The following FAM131B variants were observed in gnomAD, a reference collection of about 807,000 sequenced individuals.
FAM131B encodes the protein family with sequence similarity 131 member B, also known as protein FAM131B.
FAM131B carries 19 observed loss-of-function variants against 42.0 expected under a neutral mutation model. The observed-to-expected ratio is 0.45, with a 90% confidence interval of 0.32 to 0.66. FAM131B has a LOEUF of 0.66. Ranked by LOEUF, FAM131B falls within the 30% of genes least tolerant of loss-of-function variation. The pLI is 0.05. For synonymous variants in FAM131B, 183 were observed against 177.6 expected (o/e 1.03, Z -0.24); for missense variants, 370 against 468.4 (o/e 0.79, Z 1.94).
chr7:143,375,436 C>T, the FAM131B span, among the ~76,000 whole-genome samples: 1 of 152,112 alleles, frequency 6.6e-6, no homozygotes, highest in Non-Finnish European at 1.5e-5. Context: ...CTGAATAGGT[C>T]CACCTGTTCC....
At position 143,358,829 on chromosome 7, in the gene FAM131B, G is replaced by C; in HGVS notation, c.464C>G (p.Ala155Gly). The C allele has an allele frequency of 6.2e-7, 1 of 1,613,670 alleles. No homozygotes were observed. The highest frequency in any genetic ancestry group is 8.5e-7 in the Non-Finnish European group (1 of 1,179,790). ...TTGAGGCTTTAGGGTACCTGTACCT[G>C]CTAGAAAACGTGCCTCCTTCTCGCC... is the stretch of plus-strand genomic sequence containing the variant. ...SDGEKEARFL[A>G]GVMEQFAISE... Residue 155 changes from alanine to glycine, a missense_variant and splice_region_variant, in exon 5 of 7, where the codon GCA becomes GGA. Physicochemically the swap from Ala to Gly is moderately conservative, Grantham distance 60. Transcript: ENST00000443739. The surrounding 1 kb of genome is among the most constrained non-coding windows in gnomAD (Gnocchi z 4.7).
chr7:143,381,487 A>G, the FAM131B span: 2 of 1,441,412 alleles, frequency 1.4e-6, no homozygotes, highest in African/African-American at 1.5e-5. Context: ...GGGGGTCACC[A>G]AGGGGAGCTG....
At chr7:143,363,348 T>A (rs781525624), upstream of FAM131B, among the ~76,000 whole-genome samples, 22 of 152,098 alleles carry the variant, frequency 1.4e-4, no homozygotes, top group Non-Finnish European at 2.2e-4. Flanking sequence ...ATAGTTGACC[T>A]CCAGGCCTGG....
intron 5 of FAM131B, among the ~76,000 whole-genome samples, chr7:143,357,798 C>G (rs1292322264): frequency 6.6e-6 from 1 of 152,120 alleles, no homozygotes; most frequent in Non-Finnish European, 1.5e-5. Flanking sequence ...CCACATGAGG[C>G]CAGTGGCTAA....
chr7:143,373,588 G>A, the FAM131B span, among the ~76,000 whole-genome samples: 3 of 152,174 alleles, frequency 2.0e-5, no homozygotes, highest in Non-Finnish European at 4.4e-5. Context: ...GGGCGCTGAG[G>A]CGGTGTGTCC....
intron 1 of FAM131B, 191 bp from the exon 2 acceptor site, chr7:143,360,340 A>C: frequency 7.0e-7 from 1 of 1,425,034 alleles, no homozygotes. Context: ...CTCAACCCAG[A>C]ATAGTGCACT....
upstream of FAM131B, among the ~76,000 whole-genome samples, chr7:143,366,935 G>T (rs1027224072): frequency 6.6e-6 from 1 of 152,138 alleles, no homozygotes; most frequent in Non-Finnish European, 1.5e-5. Flanking sequence ...GGGTTTAGGG[G>T]CATTAGGTTG....
chr7:143,376,764 G>C, the FAM131B span, among the ~76,000 whole-genome samples: 3 of 152,230 alleles, frequency 2.0e-5, no homozygotes, highest in African/African-American at 7.2e-5. Context: ...GAGCAAGTGG[G>C]AAGCTGCAGG....
chr7:143,361,052 G>T, intron 1 of FAM131B: 1 of 152,132 alleles, frequency 6.6e-6, no homozygotes, highest in East Asian at 1.9e-4. Context: ...CCATCTGACC[G>T]TACAGGCCCT....
chr7:143,381,296 C>T, the FAM131B span: 4 of 1,095,260 alleles, frequency 3.7e-6, no homozygotes, highest in Non-Finnish European at 4.5e-6. Context: ...CTCCCTCCTC[C>T]TTCCGTGTGT....
At chr7:143,361,483 T>G in intron 1 of FAM131B, 1 of 148,340 alleles carries the variant, frequency 6.7e-6, no homozygotes, top group Admixed American at 6.7e-5. Context: ...GAGGAGGGGG[T>G]ATCCATGGAA....
the FAM131B span, chr7:143,382,085 T>C: frequency 3.1e-6 from 2 of 651,704 alleles, no homozygotes; most frequent in East Asian, 5.7e-5. Context: ...CGGCCTTTCC[T>C]GACCTGGTAC....
At chr7:143,381,823 G>GT in the FAM131B span, 1 of 1,474,078 alleles carries the variant, frequency 6.8e-7, no homozygotes, top group Non-Finnish European at 9.0e-7. Context: ...AGGAGCCGGG[G>GT]TGGGGGGCAG....
rs1001659834 is a variant in FAM131B, at chr7:143,359,618, T to G, written c.174+114A>C. The G allele has an allele frequency of 9.2e-7, 1 of 1,087,890 alleles. No individual in the cohort carries two copies. The allele number at this position is 1,087,890 out of a possible 1,614,324, so 67.4% of individuals were successfully genotyped here. Reference sequence around the variant, plus strand: ...CTGGGGCACAGGTTGAGAACGTGAGTGCTCACAGTGCCTATTGGAGCCAGG... The same window carrying G: ...CTGGGGCACAGGTTGAGAACGTGAGGGCTCACAGTGCCTATTGGAGCCAGG... On this transcript the variant is annotated intron_variant, in intron 3 of 6. Coordinates refer to ENST00000443739, the MANE Select transcript of FAM131B (RefSeq NM_001031690.3). The surrounding 1 kb of genome is among the most constrained non-coding windows in gnomAD (Gnocchi z 5.4).
At chr7:143,374,090 T>C in the FAM131B span, among the ~76,000 whole-genome samples, 1 of 152,226 alleles carries the variant, frequency 6.6e-6, no homozygotes, top group African/African-American at 2.4e-5. Context: ...GTGATTTTTT[T>C]TTTCAGCCAA....
the FAM131B span, chr7:143,382,268 C>A: frequency 6.2e-7 from 1 of 1,612,948 alleles, no homozygotes; most frequent in Non-Finnish European, 8.5e-7. Flanking sequence ...GCCTCCACCT[C>A]CCCTTGCTGG....
At chr7:143,373,355 C>G in the FAM131B span, among the ~76,000 whole-genome samples, 1 of 152,188 alleles carries the variant, frequency 6.6e-6, no homozygotes, top group South Asian at 2.1e-4. Flanking sequence ...GCACTCCAGC[C>G]TGGGTGACAG....
In FAM131B at chr7:143,359,910, TG is replaced by T; in HGVS notation, c.138+129del. ...GATGCCGCTAACTGGGTTCTCCATG[TG>T]GACTGCTTGGCATGTGTTGTGAGAA... On this transcript the variant is annotated intron_variant, in intron 2 of 6. Transcript: ENST00000443739. This position sits in a 1 kb window ranked among gnomAD's most constrained non-coding sequence, Gnocchi z 5.4. The T allele has an allele frequency of 1.0e-6, 1 of 985,748 alleles. No individual in the cohort carries two copies. 61.1% of individuals were successfully genotyped at this position (985,748 alleles called of 1,614,324 possible). A position where few individuals can be genotyped will look rare whatever the true frequency, so the allele number is the denominator to read the frequency against.
In FAM131B at chr7:143,358,452, T is replaced by C. The variant is rs146793025; in HGVS notation, c.466+375A>G. 2.0e-5 allele frequency among the ~76,000 whole-genome samples: 3 copies of C among 152,288 alleles called. No homozygotes were observed. The highest frequency in any genetic ancestry group is 4.4e-5 in the Non-Finnish European group (3 of 68,036). On this transcript the variant is annotated intron_variant, in intron 5 of 6. Coordinates refer to ENST00000443739, the MANE Select transcript of FAM131B (RefSeq NM_001031690.3). This position sits in a 1 kb window ranked among gnomAD's most constrained non-coding sequence, Gnocchi z 4.7. ...TGAGTCTAGTAGGCAAATTCATGAC[T>C]CGAAATGCTAAAGGGCAAAGGCTAA...
Sources: allele counts gnomAD v4.1 joint callset (sites outside exome capture counted in the v4.1 genomes callset), GRCh38; gene constraint gnomAD v4.1.1; non-coding constraint Gnocchi (gnomAD v3.1); transcripts MANE v1.5; gene names NCBI Gene and HGNC (gene_info 2026-07-23, HGNC 2026-07-21).